DHX37: variants seen among roughly 807,000 people sequenced by gnomAD.
DHX37 encodes the protein DEAH-box helicase 37, also known as probable ATP-dependent RNA helicase DHX37.
Under a neutral mutation model 134.3 loss-of-function variants are expected in DHX37, and 52 were observed. The observed-to-expected ratio is 0.39, with a 90% CI of 0.31 to 0.49. The LOEUF (loss-of-function observed/expected upper bound fraction) is 0.49. DHX37 is among the 20% of genes least tolerant of loss of function. The pLI is 0.93. For missense variants in DHX37, 1,344 were observed against 1,580.8 expected (o/e 0.85, Z 2.54); for synonymous variants, 634 against 670.7 (o/e 0.95, Z 0.85).
rs534452718 is a variant in DHX37, at chr12:124,976,283, G to A, written c.888-772C>T. Among the ~76,000 whole-genome samples, 5 of 152,340 alleles carry A rather than the reference G, an allele frequency of 3.3e-5. No homozygotes were observed. In the East Asian group the frequency reaches 9.6e-4, roughly 29 times the overall value. On this transcript the variant is annotated intron_variant, in intron 5 of 26. Transcript: ENST00000308736. ...CCCTCTGCTGATCGCGTCCTTCGCTGTAATATACCATAGCCATGTGCAGGA... is the reference window on the plus strand; with the variant it reads ...CCCTCTGCTGATCGCGTCCTTCGCTATAATATACCATAGCCATGTGCAGGA...
intron 5 of DHX37, among the ~76,000 whole-genome samples, chr12:124,976,889 A>T (rs1285643659): frequency 2.0e-5 from 3 of 150,196 alleles, no homozygotes; most frequent in African/African-American, 7.3e-5. Context: ...TCTACTAAAA[A>T]TACAAAAATT....
At position 124,954,011 on chromosome 12, in the gene DHX37, G is replaced by C; in HGVS notation, c.2579-15C>G. On this transcript the variant is annotated splice_polypyrimidine_tract_variant and intron_variant, in intron 19 of 26. Coordinates refer to ENST00000308736, the MANE Select transcript of DHX37 (RefSeq NM_032656.4). The stretch of plus-strand genomic sequence containing the variant: ...TCCCACGGCGCCTGGGGAACGAAGA[G>C]GGGGCATGCTCTCTCTCTGACCCAT... 1 of 1,613,634 alleles carries C rather than the reference G, an allele frequency of 6.2e-7. No individual in the cohort carries two copies. Among genetic ancestry groups the C allele is most frequent in the South Asian group, 1.1e-5 (1 of 91,080 alleles).
rs1220023636 is a variant in DHX37 at position 124,971,325 on chromosome 12, G to A, written c.1168C>T (p.Arg390Cys). The A allele has an allele frequency of 3.7e-6, 6 of 1,613,030 alleles. No homozygotes were observed. The highest frequency in any genetic ancestry group is 2.2e-5 in the East Asian group (1 of 44,880). ...ACCTTAGCCCGGAGAGTCACAATGC[G>A]GGACAGGAGGCCGATGAGGATGTCC... is the stretch of plus-strand genomic sequence containing the variant. ...YTDILIGLLS[R>C]IVTLRAKRNL... The change falls in exon 8 of 27, where the codon CGC (arginine) becomes TGC (cysteine). Residue 390 changes from arginine (R) to cysteine (C), a missense_variant. By Grantham distance (180) the Arg-to-Cys change is radical (BLOSUM62 -3). Coordinates refer to ENST00000308736, the MANE Select transcript of DHX37 (RefSeq NM_032656.4).
At chr12:124,956,656 G>A in intron 18 of DHX37, 35 bp downstream of exon 18, 1 of 1,517,038 alleles carries the variant, frequency 6.6e-7, no homozygotes, top group South Asian at 1.3e-5. Flanking sequence ...TCGGAACTGA[G>A]CTTGGCCCTG....
In DHX37 at chr12:124,956,867, C is replaced by A; in HGVS notation, c.2277G>T (p.Leu759=). The change falls in exon 18 of 27, where the codon CTG becomes CTT. Residue 759 remains leucine, a synonymous_variant. Coordinates refer to ENST00000308736, the MANE Select transcript of DHX37 (RefSeq NM_032656.4). ...PPQKAERVKQ[L]QENRLSCPIT... is the part of the protein sequence containing the mutation. ...TGGGGCAGCTCAGCCGGTTCTCCTG[C>A]AGTTGCTTCACCCTGGAGATGGAGG... is the stretch of plus-strand genomic sequence containing the variant. The A allele has an allele frequency of 6.3e-7, 1 of 1,592,218 alleles. No individual in the cohort carries two copies. Among genetic ancestry groups the A allele is most frequent in the East Asian group, 2.3e-5 (1 of 44,252 alleles).
chr12:124,976,343 A>G (rs966756851), intron 5 of DHX37, among the ~76,000 whole-genome samples: 8 of 152,214 alleles, frequency 5.3e-5, no homozygotes, highest in Admixed American at 1.3e-4. Flanking sequence ...CCGGTCAATC[A>G]CCGAACCTGA....
chr12:124,978,872 CAG>C (rs1954700013), intron 4 of DHX37, among the ~76,000 whole-genome samples: 1 of 150,978 alleles, frequency 6.6e-6, no homozygotes, highest in South Asian at 2.1e-4. Context: ...GTAGAGGCTG[CAG>C]TGAACTGTGA....
intron 20 of DHX37, chr12:124,953,246 G>A (rs559637921): frequency 6.5e-6 from 1 of 153,366 alleles, no homozygotes; most frequent in Admixed American, 6.5e-5. Context: ...CATGGTGACA[G>A]GGCCACCACC....
At chr12:124,970,824 G>A (rs1954503692) in intron 8 of DHX37, among the ~76,000 whole-genome samples, 1 of 151,656 alleles carries the variant, frequency 6.6e-6, no homozygotes, top group Non-Finnish European at 1.5e-5. Context: ...ACTGCATGAA[G>A]CCGCGCCCCA....
At chr12:124,956,958 C>G (rs950951121) in intron 17 of DHX37, 71 bp downstream of exon 17, 91 of 1,529,060 alleles carry the variant, frequency 6.0e-5, no homozygotes, top group Admixed American at 1.6e-4. Context: ...CTTGAGGCAG[C>G]TCAGGCCCAG....
chr12:124,969,020 G>C (rs1409921517), intron 8 of DHX37, 52 bp from the exon 9 acceptor site: 5 of 1,566,312 alleles, frequency 3.2e-6, no homozygotes, highest in Non-Finnish European at 4.3e-6. Context: ...AGGTGGGTCT[G>C]AAGCCTGGGA....
intron 12 of DHX37, 45 bp from the exon 13 acceptor site, chr12:124,965,857 G>A (rs1407851839): frequency 1.3e-6 from 2 of 1,589,876 alleles, no homozygotes; most frequent in Non-Finnish European, 1.7e-6. Flanking sequence ...GGGATCCTGG[G>A]TGTGAGGACG....
intron 8 of DHX37, among the ~76,000 whole-genome samples, chr12:124,970,342 C>A (rs942510800): frequency 2.0e-5 from 3 of 152,168 alleles, no homozygotes; most frequent in Non-Finnish European, 4.4e-5. Context: ...ACTCTGTGAA[C>A]GGACTAAAAA....
In DHX37 at chr12:124,966,853, C is replaced by T. The variant is rs746015111; in HGVS notation, c.1530G>A (p.Ser510=). Residue 510 remains serine (S), a synonymous_variant, in exon 12 of 27, where the codon TCG becomes TCA. Coordinates refer to ENST00000308736, the MANE Select transcript of DHX37 (RefSeq NM_032656.4). ...TCTTAAACTTCCGCATTTCCTCCAC[C>T]GAGTCTTTCTGATCGTCGTCCTTTT... ...PQEKDDDQKD[S]VEEMRKFKKS... is the part of the protein sequence containing the mutation. 16 of 1,614,144 alleles carry T rather than the reference C, an allele frequency of 9.9e-6. No homozygotes were observed. Among genetic ancestry groups the T allele is most frequent in the Middle Eastern group, 1.6e-4 (1 of 6,084 alleles).
At chr12:124,975,594 T>C (rs1954622154) in intron 5 of DHX37, 83 bp from the exon 6 acceptor site, 1 of 1,463,566 alleles carries the variant, frequency 6.8e-7, no homozygotes, top group Non-Finnish European at 9.4e-7. Context: ...ACAGCAAGAT[T>C]TGCCATACTG....
chr12:124,966,167 A>G (rs964286541), intron 12 of DHX37, among the ~76,000 whole-genome samples: 2 of 152,216 alleles, frequency 1.3e-5, no homozygotes, highest in African/African-American at 4.8e-5. Context: ...AGGCTAGAGG[A>G]AAGCCCCTGC....
rs1397694958 is a variant in DHX37, at chr12:124,982,520, T to C, written c.380A>G (p.His127Arg). 1.2e-6 allele frequency: 2 copies of C among 1,613,538 alleles called. No homozygotes were observed. The highest frequency in any genetic ancestry group is 1.7e-5 in the Admixed American group (1 of 59,998). ...SKLGTGNRMYHTKEKADEVVA... is the reference protein window; with the variant it reads ...SKLGTGNRMYRTKEKADEVVA... ...GGACTGGCCAACTCACTCTTTGGTG[T>C]GATACATGCGGTTCCCAGTGCCTAG... Residue 127 changes from histidine to arginine, a missense_variant, in exon 3 of 27, where the codon CAC (histidine) becomes CGC (arginine). Around this residue, in one of 7 missense-constraint regions of DHX37, gnomAD observed 319 missense variants for 296.1 expected, o/e 1.08. Transcript: ENST00000308736.
chr12:124,965,907 C>T, intron 12 of DHX37, 95 bp from the exon 13 acceptor site: 1 of 1,494,968 alleles, frequency 6.7e-7, no homozygotes, highest in Non-Finnish European at 9.0e-7. Flanking sequence ...CATGGAAGCC[C>T]CGGTCCACAC....
chr12:124,971,181 G>T (rs750005829), intron 8 of DHX37, 121 bp downstream of exon 8: 3 of 1,452,292 alleles, frequency 2.1e-6, no homozygotes, highest in South Asian at 2.7e-5. Context: ...TGTGCTCGGG[G>T]TACCTGCTCA....
Sources: gnomAD v4.1 joint callset for allele counts (sites outside exome capture counted in the v4.1 genomes callset) on GRCh38, gnomAD v4.1.1 for gene constraint, gnomAD v4.1.1 regional missense constraint, MANE v1.5 for transcripts, NCBI Gene and HGNC (gene_info 2026-07-23, HGNC 2026-07-21) for gene names.